Variants in LMO7 observed in about 807,000 individuals in gnomAD.
The protein encoded by LMO7 is LIM domain 7, also known as LIM domain only protein 7.
A neutral mutation model predicts 206.5 loss-of-function variants in LMO7; 120 were observed. That is an observed-to-expected ratio of 0.58 (90% CI 0.50 to 0.68). The LOEUF (loss-of-function observed/expected upper bound fraction) is 0.68. LMO7 is among the 30% of genes least tolerant of loss of function. LMO7 has a pLI of 0.00. For missense variants in LMO7, 1,959 were observed against 1,957.9 expected, an observed-to-expected ratio of 1.00 and a Z score of -0.01; for synonymous variants, 706 against 681.5, an observed-to-expected ratio of 1.04 and a Z score of -0.56.
intron 11 of LMO7, among the ~76,000 whole-genome samples, chr13:75,810,861 C>A (rs543504264): frequency 6.6e-6 from 1 of 152,228 alleles, no homozygotes; most frequent in East Asian, 1.9e-4. Context: ...AACCTAAAAC[C>A]AAAGCTTGAA....
At chr13:75,733,708 G>A (rs553061827) in intron 3 of LMO7, among the ~76,000 whole-genome samples, 73 of 152,274 alleles carry the variant, frequency 4.8e-4, no homozygotes, top group African/African-American at 1.7e-3. Context: ...GACATCACCC[G>A]TCTTCTGCGT....
chr13:75,752,110 T>G (rs2047319687), intron 3 of LMO7, among the ~76,000 whole-genome samples: 1 of 152,116 alleles, frequency 6.6e-6, no homozygotes, highest in Non-Finnish European at 1.5e-5. Context: ...GCAACAGCAC[T>G]TGTTAAAGAA....
chr13:75,643,675 G>T (rs2036766224), intron 1 of LMO7, among the ~76,000 whole-genome samples: 1 of 152,210 alleles, frequency 6.6e-6, no homozygotes, highest in Non-Finnish European at 1.5e-5. Flanking sequence ...GTTTGATGTA[G>T]TCAAAGCTCT....
At chr13:75,629,856 C>T (rs915669446) in intron 2 of LMO7, among the ~76,000 whole-genome samples, 1 of 152,090 alleles carries the variant, frequency 6.6e-6, no homozygotes, top group African/African-American at 2.4e-5. Flanking sequence ...AAAAGTCGTG[C>T]ATGACCCTCA....
At chr13:75,709,785 A>C (rs11843392) in intron 1 of LMO7, among the ~76,000 whole-genome samples, 11,388 of 152,160 alleles carry the variant, frequency 0.075, 931 homozygotes, top group African/African-American at 0.2. Context: ...TTTGCTGTGC[A>C]GAAGCTCTTT....
At chr13:75,712,212 T>C (rs984685988) in intron 1 of LMO7, among the ~76,000 whole-genome samples, 3 of 152,166 alleles carry the variant, frequency 2.0e-5, no homozygotes, top group African/African-American at 7.2e-5. Flanking sequence ...TTAAGATTGG[T>C]GACTTTCCAG....
chr13:75,681,704 G>GTGTGTA (rs1422591893), intron 1 of LMO7, among the ~76,000 whole-genome samples: 2 of 82,984 alleles, frequency 2.4e-5, no homozygotes, highest in Non-Finnish European at 5.5e-5. Context: ...ATGTATGTAT[G>GTGTGTA]TGTATATATA....
Position 75,800,790 on chromosome 13 carries a change from A to C in LMO7, c.569A>C (p.Lys190Thr). The change falls in exon 7 of 31, where the codon AAG becomes ACG. Residue 190 changes from lysine to threonine, a missense_variant. Lys to Thr is a moderately conservative substitution (Grantham distance 78, BLOSUM62 -1). Coordinates refer to ENST00000377534, the MANE Select transcript of LMO7 (RefSeq NM_001306080.2). ...TTTCTTGCTCCTCCAAGGCACCATA[A>C]GAGAGAAGATTCCTTTGAAAGCTTG... ...GEFLAPPRHH[K>T]REDSFESLDS... The C allele has an allele frequency of 1.9e-6, 3 of 1,614,022 alleles. No individual in the cohort carries two copies. Among genetic ancestry groups the C allele is most frequent in the Non-Finnish European group, 2.5e-6 (3 of 1,179,872 alleles).
At chr13:75,751,185 G>A (rs1594736333) in intron 3 of LMO7, among the ~76,000 whole-genome samples, 1 of 91,688 alleles carries the variant, frequency 1.1e-5, no homozygotes, top group African/African-American at 4.4e-5. Flanking sequence ...TTTTGAGACA[G>A]AGCCTCGCTC....
intron 16 of LMO7, among the ~76,000 whole-genome samples, chr13:75,833,793 C>A (rs2058891599): frequency 6.6e-6 from 1 of 151,842 alleles, no homozygotes. Context: ...CTTAAGATTG[C>A]CTTAATTAGA....
At chr13:75,634,086 G>C (rs541320075), upstream of LMO7, among the ~76,000 whole-genome samples, 1 of 146,104 alleles carries the variant, frequency 6.8e-6, no homozygotes, top group South Asian at 2.4e-4. Flanking sequence ...TGATCCACCC[G>C]CCTCTGCCTC....
chr13:75,644,923 T>C (rs550194889), intron 1 of LMO7, among the ~76,000 whole-genome samples: 17 of 152,348 alleles, frequency 1.1e-4, no homozygotes, highest in African/African-American at 4.1e-4. Context: ...TGAGCCACCA[T>C]GCCCAGCCAG....
chr13:75,844,259 A>G (rs1252798904), intron 25 of LMO7, among the ~76,000 whole-genome samples: 2 of 152,078 alleles, frequency 1.3e-5, no homozygotes, highest in Non-Finnish European at 2.9e-5. Flanking sequence ...TCACAAGTGC[A>G]GCTGTCTACC....
chr13:75,621,650 T>C, exon 1 of LMO7: 1 of 1,212,216 alleles, frequency 8.2e-7, no homozygotes, highest in Non-Finnish European at 1.1e-6. Context: ...GTTCAATATA[T>C]GGGTACGGTC....
intron 7 of LMO7, among the ~76,000 whole-genome samples, chr13:75,801,437 G>T (rs1024761461): frequency 6.6e-6 from 1 of 152,134 alleles, no homozygotes; most frequent in Non-Finnish European, 1.5e-5. Flanking sequence ...CACCTAACAT[G>T]CAGGTAGAAA....
At chr13:75,687,932 T>C (rs2139593763) in intron 1 of LMO7, among the ~76,000 whole-genome samples, 1 of 152,266 alleles carries the variant, frequency 6.6e-6, no homozygotes, top group East Asian at 1.9e-4. Context: ...TGGTGGGAGG[T>C]AATTGAATCA....
At chr13:75,778,888 C>T (rs913258825) in intron 4 of LMO7, among the ~76,000 whole-genome samples, 1 of 152,154 alleles carries the variant, frequency 6.6e-6, no homozygotes, top group Non-Finnish European at 1.5e-5. Context: ...ACCCCCAACT[C>T]TCCCAATATT....
At chr13:75,712,270 G>A (rs1283412843) in intron 1 of LMO7, among the ~76,000 whole-genome samples, 1 of 152,164 alleles carries the variant, frequency 6.6e-6, no homozygotes, top group Non-Finnish European at 1.5e-5. Flanking sequence ...AGGTGGAGCA[G>A]GGACTACTCC....
chr13:75,708,267 T>G (rs2042806792), intron 1 of LMO7, among the ~76,000 whole-genome samples: 2 of 152,234 alleles, frequency 1.3e-5, no homozygotes, highest in African/African-American at 4.8e-5. Flanking sequence ...TATTAGGTAG[T>G]GAATGTGGAA....
Sources: allele counts gnomAD v4.1 joint callset (sites outside exome capture counted in the v4.1 genomes callset), GRCh38; gene constraint gnomAD v4.1.1; transcripts MANE v1.5; gene names NCBI Gene and HGNC (gene_info 2026-07-23, HGNC 2026-07-21).